AGBL1: variants seen among roughly 807,000 people sequenced by gnomAD.
The protein encoded by AGBL1 is AGBL carboxypeptidase 1.
A neutral mutation model predicts 118.9 loss-of-function variants in AGBL1; 130 were observed. The observed-to-expected ratio is 1.09, with a 90% CI of 0.95 to 1.26. AGBL1 has a LOEUF of 1.26. AGBL1 is among the 50% of genes most tolerant of loss of function. The pLI is 0.00. For synonymous variants in AGBL1, 555 were observed against 478.9 expected, an observed-to-expected ratio of 1.16 and a Z score of -2.08; for missense variants, 1,584 against 1,298.1, an observed-to-expected ratio of 1.22 and a Z score of -3.38.
chr15:86,832,549 A>G (rs1567197460), intron 22 of AGBL1, among the ~76,000 whole-genome samples: 1 of 152,210 alleles, frequency 6.6e-6, no homozygotes, highest in East Asian at 1.9e-4. Flanking sequence ...TTTCTAGGAC[A>G]GGGGCAAAAT....
At chr15:86,868,950 T>C (rs1596570368) in intron 22 of AGBL1, among the ~76,000 whole-genome samples, 1 of 152,238 alleles carries the variant, frequency 6.6e-6, no homozygotes, top group Admixed American at 6.5e-5. Context: ...CACGTCCACC[T>C]TGGCTTACAG....
At chr15:86,688,841 A>G (rs1463736208) in intron 22 of AGBL1, among the ~76,000 whole-genome samples, 2 of 152,118 alleles carry the variant, frequency 1.3e-5, no homozygotes, top group African/African-American at 4.8e-5. Flanking sequence ...CACACCAAAT[A>G]TCAAGTTCCT....
intron 17 of AGBL1, among the ~76,000 whole-genome samples, chr15:86,389,972 A>G (rs2081252379): frequency 6.6e-6 from 1 of 152,164 alleles, no homozygotes; most frequent in African/African-American, 2.4e-5. Context: ...CAATTAAGAT[A>G]AAACAGTGCT....
chr15:86,969,821 C>T (rs965122583), intron 23 of AGBL1, among the ~76,000 whole-genome samples: 3 of 151,894 alleles, frequency 2.0e-5, no homozygotes, highest in Admixed American at 2.0e-4. Flanking sequence ...TTTAAGGAAA[C>T]AGCATGCTAT....
intron 5 of AGBL1, among the ~76,000 whole-genome samples, chr15:86,219,535 C>T (rs1346171627): frequency 6.6e-6 from 1 of 151,948 alleles, no homozygotes; most frequent in Admixed American, 6.5e-5. Flanking sequence ...AGTGGCTGCT[C>T]CAAGCTTCAA....
chr15:86,997,038 GA>G (rs1028484447), intron 24 of AGBL1, among the ~76,000 whole-genome samples: 3 of 151,030 alleles, frequency 2.0e-5, no homozygotes, highest in Non-Finnish European at 1.5e-5. Flanking sequence ...TAAGAAGAAA[GA>G]AAAAAAAGAG....
intron 22 of AGBL1, among the ~76,000 whole-genome samples, chr15:86,691,574 A>G (rs1032284139): frequency 2.6e-5 from 4 of 152,148 alleles, no homozygotes; most frequent in African/African-American, 7.2e-5. Flanking sequence ...GAGAGGGAAA[A>G]TGCCAGGAAC....
chr15:86,262,587 T>C (rs569079836), intron 9 of AGBL1, 191 bp from the exon 10 acceptor site: 23 of 656,670 alleles, frequency 3.5e-5, no homozygotes, highest in Admixed American at 2.7e-4. Context: ...GACAAGTCCT[T>C]TATCTTCTTT....
chr15:86,406,412 A>T (rs572861645), intron 18 of AGBL1, among the ~76,000 whole-genome samples: 228 of 152,368 alleles, frequency 1.5e-3, no homozygotes, highest in African/African-American at 5.3e-3. Flanking sequence ...TTCAAAAAAC[A>T]AAATGATTTT....
chr15:86,760,356 G>C (rs1037333068), intron 22 of AGBL1, among the ~76,000 whole-genome samples: 5 of 152,024 alleles, frequency 3.3e-5, no homozygotes, highest in Non-Finnish European at 4.4e-5. Context: ...ATCATCACTT[G>C]TAGGAAATCA....
intron 5 of AGBL1, among the ~76,000 whole-genome samples, chr15:86,177,684 T>G (rs1433197974): frequency 3.3e-5 from 5 of 152,196 alleles, no homozygotes; most frequent in Non-Finnish European, 7.3e-5. Flanking sequence ...AATGTACTTC[T>G]AAAGGAACTA....
intron 4 of AGBL1, among the ~76,000 whole-genome samples, chr15:86,157,505 A>G (rs1165698540): frequency 2.0e-5 from 3 of 152,160 alleles, no homozygotes; most frequent in Non-Finnish European, 2.9e-5. Context: ...AGTTCTGAGA[A>G]GTCCTGGGAT....
chr15:86,114,344 G>C (rs1342149430), intron 1 of AGBL1, among the ~76,000 whole-genome samples: 1 of 152,330 alleles, frequency 6.6e-6, no homozygotes, highest in African/African-American at 2.4e-5. Context: ...AGAACTCAGA[G>C]GTGTCACTTC....
chr15:86,856,638 T>G (rs2079485599), intron 22 of AGBL1, among the ~76,000 whole-genome samples: 1 of 152,240 alleles, frequency 6.6e-6, no homozygotes, highest in African/African-American at 2.4e-5. Flanking sequence ...TGCATTGTCC[T>G]TCACAGCAAA....
At chr15:86,736,792 A>T (rs533124497) in intron 22 of AGBL1, among the ~76,000 whole-genome samples, 2 of 152,308 alleles carry the variant, frequency 1.3e-5, no homozygotes, top group South Asian at 4.1e-4. Flanking sequence ...GCTTTTAGAC[A>T]TGCTTATGAG....
At chr15:86,389,969 G>A (rs1413457421) in intron 17 of AGBL1, among the ~76,000 whole-genome samples, 1 of 152,004 alleles carries the variant, frequency 6.6e-6, no homozygotes, top group African/African-American at 2.4e-5. Flanking sequence ...CTTCAATTAA[G>A]ATAAAACAGT....
At chr15:86,174,868 CT>C (rs2077461991) in intron 5 of AGBL1, among the ~76,000 whole-genome samples, 1 of 151,962 alleles carries the variant, frequency 6.6e-6, no homozygotes. Flanking sequence ...GGTATATTAT[CT>C]TTTTGATGTG....
chr15:86,963,453 A>G lies in AGBL1; in HGVS notation c.3222-24534A>G, dbSNP rs147906202. On this transcript the variant is annotated intron_variant, in intron 23 of 24. Coordinates refer to the AGBL1 transcript ENST00000441037. ...TTAGTGCTGTCCTCAGATCAGTTAG[A>G]CATAAACTTTCCAATCAAAGGGAAC... Among the ~76,000 whole-genome samples, 338 of 152,100 alleles carry G rather than the reference A, an allele frequency of 2.2e-3. 5 individuals are homozygous for G. Among genetic ancestry groups the G allele is most frequent in the African/African-American group, 7.4e-3 (308 of 41,530 alleles).
rs555975434 is a variant in AGBL1, at chr15:86,089,736, A to G, written c.51+9713A>G. The stretch of plus-strand genomic sequence containing the variant: ...ATGCCCTACAGTTTCGACCCAGAGC[A>G]TCTATATCCCAGCCCTCTAAAGACA... On this transcript the variant is annotated intron_variant, in intron 1 of 22. Transcript: ENST00000614907. 2.8e-4 allele frequency among the ~76,000 whole-genome samples: 42 copies of G among 152,278 alleles called. No homozygotes were observed. In the South Asian group the frequency reaches 8.5e-3, roughly 31 times the overall value.
Sources: allele counts gnomAD v4.1 joint callset (sites outside exome capture counted in the v4.1 genomes callset), GRCh38; gene constraint gnomAD v4.1.1; transcripts MANE v1.5; gene names NCBI Gene and HGNC (gene_info 2026-07-23, HGNC 2026-07-21).